The following WASF2 variants were observed in gnomAD, a reference collection of about 807,000 sequenced individuals.
The protein encoded by WASF2 is actin-binding protein WASF2.
In WASF2, 14 loss-of-function variants were observed where a neutral mutation model predicts 45.0. The observed-to-expected ratio is 0.31, with a 90% CI of 0.21 to 0.49. The LOEUF is 0.49. Among genes scored for constraint, WASF2 ranks in the 20% least tolerant of loss-of-function variants. WASF2 has a pLI of 0.99. For missense variants in WASF2, 439 were observed against 636.1 expected (o/e 0.69, Z 3.33); for synonymous variants, 200 against 236.3 (o/e 0.85, Z 1.41).
chr1:27,432,647 C>CAAAAA (rs558826790), intron 1 of WASF2, among the ~76,000 whole-genome samples: 508 of 49,080 alleles, frequency 0.01, 11 homozygotes, highest in Non-Finnish European at 0.013. Context: ...AACTCTGTCT[C>CAAAAA]AAAAAAAAAA....
chr1:27,427,530 G>T (rs1376238800), intron 2 of WASF2, among the ~76,000 whole-genome samples: 1 of 152,162 alleles, frequency 6.6e-6, no homozygotes, highest in Non-Finnish European at 1.5e-5. Flanking sequence ...TACTGTCAGT[G>T]TTCCTTTGTG....
In WASF2 at chr1:27,418,334, C is replaced by A. The variant is rs1266530109; in HGVS notation, c.354G>T (p.Val118=). The A allele has an allele frequency of 1.2e-6, 2 of 1,614,194 alleles. No individual in the cohort carries two copies. Among genetic ancestry groups the A allele is most frequent in the Non-Finnish European group, 1.7e-6 (2 of 1,180,016 alleles). ...AGGTATTGTATGTTTCTAAGACAGG[C>A]ACTGGGAGAGAGTTTCTGTCAAAAA... The part of the protein sequence containing the change: ...QKLFDRNSLP[V]PVLETYNTCD... The change falls in exon 4 of 9, where the codon GTG becomes GTT. Residue 118 remains valine, a synonymous_variant. Transcript: ENST00000618852.
intron 1 of WASF2, among the ~76,000 whole-genome samples, chr1:27,474,081 C>T (rs1419117975): frequency 2.6e-5 from 4 of 152,128 alleles, no homozygotes; most frequent in Non-Finnish European, 5.9e-5. Context: ...AGACAGTAGC[C>T]CCGGCCAGGA....
At chr1:27,456,316 TAAAAAAAAA>T (rs61319408) in intron 1 of WASF2, among the ~76,000 whole-genome samples, 2 of 95,344 alleles carry the variant, frequency 2.1e-5, no homozygotes, top group South Asian at 7.5e-4. Flanking sequence ...AGCGAGACTC[TAAAAAAAAA>T]AAAAAAAAAA....
intron 2 of WASF2, among the ~76,000 whole-genome samples, chr1:27,421,624 T>C (rs555383076): frequency 2.9e-4 from 44 of 152,278 alleles, no homozygotes; most frequent in African/African-American, 9.9e-4. Flanking sequence ...GAGACCAGCC[T>C]GGCCAACATG....
intron 1 of WASF2, among the ~76,000 whole-genome samples, chr1:27,473,455 CAAAA>C (rs752426888): frequency 6.0e-5 from 3 of 49,746 alleles, no homozygotes; most frequent in Admixed American, 2.0e-4. Flanking sequence ...ACTCCATGGC[CAAAA>C]AAAAAAAAAA....
At chr1:27,475,123 A>T (rs1290428287) in intron 1 of WASF2, among the ~76,000 whole-genome samples, 1 of 152,092 alleles carries the variant, frequency 6.6e-6, no homozygotes, top group Non-Finnish European at 1.5e-5. Context: ...CATAAAATTT[A>T]AAAATTAGGC....
At chr1:27,419,410 C>T (rs2016871698) in intron 2 of WASF2, among the ~76,000 whole-genome samples, 1 of 152,132 alleles carries the variant, frequency 6.6e-6, no homozygotes, top group South Asian at 2.1e-4. Context: ...AATATTTCTA[C>T]ACATTTCCAG....
rs566824696 is a variant in WASF2 at position 27,462,969 on chromosome 1, G to A, written c.-44+27017C>T. On this transcript the variant is annotated intron_variant, in intron 1 of 8. Coordinates refer to ENST00000618852, the MANE Select transcript of WASF2 (RefSeq NM_006990.5). ...CAAGTAGCTGGGATTACAGGTGCGC[G>A]CCACCATGCCTGGCTAATTTTAGTA... Among the ~76,000 whole-genome samples the A allele has an allele frequency of 2.6e-3, 398 of 152,022 alleles. 1 individual carries two copies. The highest frequency in any genetic ancestry group is 8.9e-3 in the African/African-American group (371 of 41,482).
At chr1:27,456,632 G>C (rs2017471025) in intron 1 of WASF2, among the ~76,000 whole-genome samples, 3 of 152,044 alleles carry the variant, frequency 2.0e-5, no homozygotes, top group African/African-American at 4.8e-5. Context: ...ATATTCCCTA[G>C]TGGTTAGGAA....
intron 1 of WASF2, among the ~76,000 whole-genome samples, chr1:27,475,602 A>G (rs2017755003): frequency 6.6e-6 from 1 of 151,898 alleles, no homozygotes; most frequent in African/African-American, 2.4e-5. Flanking sequence ...CATACATCAC[A>G]ATCTTTAACT....
intron 1 of WASF2, among the ~76,000 whole-genome samples, chr1:27,470,838 C>T (rs1372185856): frequency 6.6e-6 from 1 of 152,110 alleles, no homozygotes; most frequent in Non-Finnish European, 1.5e-5. Flanking sequence ...GGTATAAAAC[C>T]CATCCTTAAA....
At chr1:27,458,319 A>G (rs1321347948) in intron 1 of WASF2, among the ~76,000 whole-genome samples, 1 of 150,162 alleles carries the variant, frequency 6.7e-6, no homozygotes, top group Non-Finnish European at 1.5e-5. Context: ...AAAAAAAAAA[A>G]AAAAAAAAAA....
chr1:27,419,816 G>A (rs2016881374), intron 2 of WASF2, among the ~76,000 whole-genome samples: 1 of 152,128 alleles, frequency 6.6e-6, no homozygotes, highest in South Asian at 2.1e-4. Context: ...TTATCTTTGA[G>A]GGGCCCTGAG....
At chr1:27,440,542 TAAAA>T (rs1416457484) in intron 1 of WASF2, among the ~76,000 whole-genome samples, 1 of 150,554 alleles carries the variant, frequency 6.6e-6, no homozygotes, top group Non-Finnish European at 1.5e-5. Context: ...AAAGCGATGT[TAAAA>T]TGTGAGGAAA....
intron 1 of WASF2, among the ~76,000 whole-genome samples, chr1:27,458,388 C>CA (rs2017501737): frequency 1.4e-5 from 2 of 147,278 alleles, no homozygotes; most frequent in Admixed American, 1.4e-4. Context: ...TAATTCAAGG[C>CA]AAATAGGTAT....
intron 1 of WASF2, among the ~76,000 whole-genome samples, chr1:27,430,310 T>C (rs1012369455): frequency 2.6e-5 from 4 of 152,188 alleles, no homozygotes; most frequent in African/African-American, 9.7e-5. Flanking sequence ...TCACTTCACA[T>C]GAAAAGGTAA....
In WASF2 at chr1:27,456,409, G is replaced by C. The variant is rs536962747; in HGVS notation, c.-43-27476C>G. On this transcript the variant is annotated intron_variant, in intron 1 of 8. Coordinates refer to ENST00000618852, the MANE Select transcript of WASF2 (RefSeq NM_006990.5). ...AAAAATCAGAGAAAAAGCAAGGAAG[G>C]AGATAAGGAGTAGGAGCTAATGAAA... Among the ~76,000 whole-genome samples the C allele has an allele frequency of 5.9e-4, 89 of 151,642 alleles. 1 individual carries two copies. Among genetic ancestry groups the C allele is most frequent in the African/African-American group, 2.0e-3 (81 of 41,392 alleles).
chr1:27,408,812 T>C (rs1484269900), intron 8 of WASF2, among the ~76,000 whole-genome samples: 2 of 142,030 alleles, frequency 1.4e-5, no homozygotes, highest in Non-Finnish European at 1.5e-5. Context: ...GAGGGTGAGA[T>C]GATGAAGGGG....
Sources: allele counts gnomAD v4.1 joint callset (sites outside exome capture counted in the v4.1 genomes callset), GRCh38; gene constraint gnomAD v4.1.1; transcripts MANE v1.5; gene names NCBI Gene and HGNC (gene_info 2026-07-23, HGNC 2026-07-21).